ENPP7: variants seen among roughly 807,000 people sequenced by gnomAD.
The protein encoded by ENPP7 is ectonucleotide pyrophosphatase/phosphodiesterase family member 7.
A neutral mutation model predicts 33.6 loss-of-function variants in ENPP7; 39 were observed. That is an observed-to-expected ratio of 1.16 (90% confidence interval 0.90 to 1.52). The LOEUF (loss-of-function observed/expected upper bound fraction) is 1.52, where lower values mean the gene tolerates loss of function less well. Among genes scored for constraint, ENPP7 ranks in the 40% most tolerant of loss-of-function variants. The pLI is 0.00. For missense variants in ENPP7, 594 were observed against 641.0 expected, an observed-to-expected ratio of 0.93 and a Z score of 0.79; for synonymous variants, 244 against 274.3, an observed-to-expected ratio of 0.89 and a Z score of 1.09.
chr17:79,734,975 G>C (rs1183953852), intron 2 of ENPP7, 68 bp from the exon 3 acceptor site: 1 of 1,535,330 alleles, frequency 6.5e-7, no homozygotes, highest in East Asian at 2.3e-5. Context: ...GGACAAATGT[G>C]TTCACAGGCA....
intron 1 of ENPP7, among the ~76,000 whole-genome samples, chr17:79,732,128 A>G (rs1399462647): frequency 8.3e-5 from 2 of 24,228 alleles, no homozygotes; most frequent in Admixed American, 4.8e-4. Flanking sequence ...ATACATATAT[A>G]TATGTATATA....
intron 5 of ENPP7, among the ~76,000 whole-genome samples, chr17:79,741,200 G>A (rs940660328): frequency 6.6e-6 from 1 of 152,124 alleles, no homozygotes; most frequent in African/African-American, 2.4e-5. Flanking sequence ...TGTTGCCCAG[G>A]CTGGTCTCAA....
Position 79,738,018 on chromosome 17 carries a change from C to G in ENPP7, c.1349C>G (p.Thr450Ser), listed in dbSNP as rs782796267. The change falls in exon 5 of 6, where the codon ACC (threonine) becomes AGC (serine). Residue 450 changes from threonine to serine, a missense_variant. Around this residue, in one of 3 missense-constraint regions of ENPP7, gnomAD observed 504 missense variants for 512.8 expected, o/e 0.98. Transcript: ENST00000328313. The surrounding 1 kb of genome is among the most constrained non-coding windows in gnomAD (Gnocchi z 6.2). ...RPLLVMGLLG[T>S]VILLSEVA is the part of the protein sequence containing the mutation. ...CTCCTCGTGATGGGACTGCTGGGGA[C>G]CGTGATTCTTCTGTCTGAGGTCGCA... 6.2e-7 allele frequency: 1 copy of G among 1,612,950 alleles called. No individual in the cohort carries two copies. Among genetic ancestry groups the G allele is most frequent in the South Asian group, 1.1e-5 (1 of 91,086 alleles).
intron 3 of ENPP7, among the ~76,000 whole-genome samples, chr17:79,736,071 T>A (rs559753024): frequency 1.3e-5 from 2 of 152,116 alleles, no homozygotes; most frequent in South Asian, 4.1e-4. Context: ...GCCTGACTAA[T>A]TTTTTGTATT....
Position 79,737,900 on chromosome 17 carries a change from C to T in ENPP7, c.1247-16C>T, listed in dbSNP as rs782801411. ...GCCATCCCTCTCTCCCTCACAGGTC[C>T]TCTGGCTTTCCTTAGAATCTGCTCT... On this transcript the variant is annotated splice_polypyrimidine_tract_variant and intron_variant, in intron 4 of 5. Transcript: ENST00000328313. This position sits in a 1 kb window ranked among gnomAD's most constrained non-coding sequence, Gnocchi z 5.5. 1.2e-6 allele frequency: 2 copies of T among 1,613,306 alleles called. No homozygotes were observed. Among genetic ancestry groups the T allele is most frequent in the East Asian group, 2.2e-5 (1 of 44,894 alleles).
intron 2 of ENPP7, among the ~76,000 whole-genome samples, chr17:79,733,892 C>A (rs1047709428): frequency 1.3e-5 from 2 of 152,292 alleles, no homozygotes; most frequent in Middle Eastern, 3.4e-3. Context: ...CAGCCCTGCC[C>A]GGTCCTCTCT....
rs1171801654 is a variant in ENPP7 at position 79,732,149 on chromosome 17, T to TATATATATACAC, written c.253+758_253+759insTATATATACACA. Among the ~76,000 whole-genome samples, 270 of 34,144 alleles carry TATATATATACAC rather than the reference T, an allele frequency of 7.9e-3. 11 individuals carry two copies. The highest frequency in any genetic ancestry group is 0.026 in the African/African-American group (260 of 9,818). 22.4% of individuals were successfully genotyped at this position (34,144 alleles called of 152,430 possible). ...ATATATATGTATATATATATATATA[T>TATATATATACAC]ACACACACATATATATATATATGAG... On this transcript the variant is annotated intron_variant, in intron 1 of 5. Coordinates refer to ENST00000328313, the MANE Select transcript of ENPP7 (RefSeq NM_178543.5).
In ENPP7 at chr17:79,737,573, C is replaced by A. The variant is rs1378450303; in HGVS notation, c.1246+313C>A. On this transcript the variant is annotated intron_variant, in intron 4 of 5. Transcript: ENST00000328313. This position sits in a 1 kb window ranked among gnomAD's most constrained non-coding sequence, Gnocchi z 5.5. Reference sequence around the variant, plus strand: ...ACCTCCTGGCTGCTGGATCCCCACTCCCCACTCCCCACCACAGCAACCTGA... The same window carrying A: ...ACCTCCTGGCTGCTGGATCCCCACTACCCACTCCCCACCACAGCAACCTGA... Among the ~76,000 whole-genome samples the A allele has an allele frequency of 6.6e-6, 1 of 151,620 alleles. No homozygotes were observed. Among genetic ancestry groups the A allele is most frequent in the Non-Finnish European group, 1.5e-5 (1 of 67,544 alleles).
rs753162030 is a variant in ENPP7, at chr17:79,735,658, G to A, written c.1015G>A (p.Val339Ile). 1.5e-5 allele frequency: 24 copies of A among 1,606,696 alleles called. No homozygotes were observed. Among genetic ancestry groups the A allele is most frequent in the South Asian group, 3.3e-5 (3 of 90,946 alleles). ...PLLMYSDLGY[V>I]IHGRINVQFN... ...GCTGATGTACAGCGACCTTGGCTAC[G>A]TCATCCATGGGGTGAGTCGCCTGCT... The change falls in exon 3 of 6, where the codon GTC becomes ATC. Residue 339 changes from valine (V) to isoleucine (I), a missense_variant. This residue lies in a region of ENPP7 where 504 missense variants were observed against 512.8 expected (regional missense o/e 0.98). Transcript: ENST00000328313. This position sits in a 1 kb window ranked among gnomAD's most constrained non-coding sequence, Gnocchi z 5.5.
At position 79,733,569 on chromosome 17, in the gene ENPP7, G is replaced by A. The variant is rs1251929834; in HGVS notation, c.315G>A (p.Val105=). The stretch of plus-strand genomic sequence containing the variant: ...TGTACTACAACACCACCAGCAAGGT[G>A]AAGCTGCCCTACCACGCCACGCTGG... ...HNMYYNTTSK[V]KLPYHATLGI... The change falls in exon 2 of 6, where the codon GTG becomes GTA. Residue 105 remains valine, a synonymous_variant. Coordinates refer to ENST00000328313, the MANE Select transcript of ENPP7 (RefSeq NM_178543.5). 6.2e-7 allele frequency: 1 copy of A among 1,613,490 alleles called. No individual in the cohort carries two copies. The highest frequency in any genetic ancestry group is 1.7e-5 in the Admixed American group (1 of 60,014).
chr17:79,734,945 C>A, intron 2 of ENPP7, 98 bp from the exon 3 acceptor site: 1 of 1,310,438 alleles, frequency 7.6e-7, no homozygotes, highest in Non-Finnish European at 1.1e-6. Flanking sequence ...GTGGGTGGAA[C>A]AGAGAAGTAG....
rs1209874901 is a variant in ENPP7, at chr17:79,736,996, G to A, written c.1027-45G>A. The A allele has an allele frequency of 3.2e-6, 5 of 1,564,652 alleles. No individual in the cohort carries two copies. The African/African-American group carries it at 4.1e-5, about 13-fold the overall frequency. ...TGGATAGGGTAGGCGGAGAGGGTCT[G>A]TTGCTCCCAGCAAGGACCCAGGACC... is the stretch of plus-strand genomic sequence containing the variant. On this transcript the variant is annotated intron_variant, in intron 3 of 5. Transcript: ENST00000328313.
At position 79,735,574 on chromosome 17, in the gene ENPP7, A is replaced by G. The variant is rs1598201115; in HGVS notation, c.931A>G (p.Lys311Glu). The part of the protein sequence containing the change: ...KDAHPKLHVY[K>E]KEAFPEAFHY... The stretch of plus-strand genomic sequence containing the variant: ...CGCCCACCCCAAGCTCCACGTCTAC[A>G]AGAAGGAGGCGTTCCCCGAGGCCTT... Residue 311 changes from lysine (K) to glutamate (E), a missense_variant, in exon 3 of 6, where the codon AAG becomes GAG. By Grantham distance (56) the Lys-to-Glu change is moderately conservative. Around this residue, in one of 3 missense-constraint regions of ENPP7, gnomAD observed 504 missense variants for 512.8 expected, o/e 0.98. Transcript: ENST00000328313. This position sits in a 1 kb window ranked among gnomAD's most constrained non-coding sequence, Gnocchi z 5.5. 1.2e-6 allele frequency: 2 copies of G among 1,613,856 alleles called. No individual in the cohort carries two copies. Among genetic ancestry groups the G allele is most frequent in the Non-Finnish European group, 1.7e-6 (2 of 1,180,008 alleles).
rs1261272487 is a variant in ENPP7 at position 79,742,151 on chromosome 17, C to G, written c.*374C>G. 1 of 160,530 alleles carries G rather than the reference C, an allele frequency of 6.2e-6. No homozygotes were observed. Among genetic ancestry groups the G allele is most frequent in the South Asian group, 2.0e-4 (1 of 4,966 alleles). 9.9% of individuals were successfully genotyped at this position (160,530 alleles called of 1,614,324 possible). A position where few individuals can be genotyped will look rare whatever the true frequency, so the allele number is the denominator to read the frequency against. ...GCGCTGGAACCTGCAGACCCGGCCT[C>G]GGTCAGCTGGGAGGGGCCCGCCCCG... On this transcript the variant is annotated 3_prime_UTR_variant, in exon 6 of 6. Transcript: ENST00000328313.
chr17:79,733,424 G>C lies in ENPP7; in HGVS notation c.254-84G>C, dbSNP rs1488501293. ...CACACAGGGAAACCTGGGCTGTTTTGACTTCGCCTCTTCCAGCCCTGGGTC... is the reference window on the plus strand; with the variant it reads ...CACACAGGGAAACCTGGGCTGTTTTCACTTCGCCTCTTCCAGCCCTGGGTC... On this transcript the variant is annotated intron_variant, in intron 1 of 5. Transcript: ENST00000328313. The C allele has an allele frequency of 2.1e-6, 3 of 1,435,656 alleles. No individual in the cohort carries two copies. In the African/African-American group the frequency reaches 4.2e-5, roughly 20 times the overall value. 88.9% of individuals were successfully genotyped at this position (1,435,656 alleles called of 1,614,324 possible). A position where few individuals can be genotyped will look rare whatever the true frequency, so the allele number is the denominator to read the frequency against.
chr17:79,739,613 G>A lies in ENPP7; in HGVS notation c.*16+1551G>A, dbSNP rs560301285. 6.6e-6 allele frequency: 1 copy of A among 152,456 alleles called. No homozygotes were observed. The highest frequency in any genetic ancestry group is 2.4e-5 in the African/African-American group (1 of 41,572). The allele number at this position is 152,456 out of a possible 1,614,324, so 9.4% of individuals were successfully genotyped here. A position where few individuals can be genotyped will look rare whatever the true frequency, so the allele number is the denominator to read the frequency against. On this transcript the variant is annotated intron_variant, in intron 5 of 5. Transcript: ENST00000328313. This position sits in a 1 kb window ranked among gnomAD's most constrained non-coding sequence, Gnocchi z 4.4. ...ACTTGCTGACATGCTAAACTGTTGG[G>A]GACAGGAGTCGGGGGGGCCGAGACT...
rs199868387 is a variant in ENPP7, at chr17:79,731,314, C to T, written c.175C>T (p.Arg59Ter). 4.0e-5 allele frequency: 64 copies of T among 1,613,776 alleles called. No individual in the cohort carries two copies. The highest frequency in any genetic ancestry group is 3.0e-5 in the Non-Finnish European group (35 of 1,179,958). ...CACCCCCAACCTGGACGCCATGGCCCGAGACGGGGTGAAGGCACGCTACAT... is the reference window on the plus strand; with the variant it reads ...CACCCCCAACCTGGACGCCATGGCCTGAGACGGGGTGAAGGCACGCTACAT... ...VDTPNLDAMA[R>*]DGVKARYMTP... is the part of the protein sequence containing the mutation. Residue 59 changes from arginine (R) to a stop codon, truncating the protein, a stop_gained, in exon 1 of 6, where the codon CGA becomes TGA. Coordinates refer to ENST00000328313, the MANE Select transcript of ENPP7 (RefSeq NM_178543.5). LOFTEE classifies it high-confidence loss of function.
Position 79,735,030 on chromosome 17 carries a change from C to T in ENPP7, c.400-13C>T, listed in dbSNP as rs1555823180. On this transcript the variant is annotated splice_polypyrimidine_tract_variant and intron_variant, in intron 2 of 5. Coordinates refer to ENST00000328313, the MANE Select transcript of ENPP7 (RefSeq NM_178543.5). The surrounding 1 kb of genome is among the most constrained non-coding windows in gnomAD (Gnocchi z 5.5). ...CTGAGGAGTCCTGTCTTTCACGCTG[C>T]CTTGTCTGGCAGGGCCTGAGGGCTG... 1.2e-6 allele frequency: 2 copies of T among 1,611,144 alleles called. No individual in the cohort carries two copies. Among genetic ancestry groups the T allele is most frequent in the Non-Finnish European group, 1.7e-6 (2 of 1,178,704 alleles).
chr17:79,738,227 G>C lies in ENPP7; in HGVS notation c.*16+165G>C. Reference sequence around the variant, plus strand: ...GCCCCAGAGAGGCCATCACCCCTGAGATCCCGAGGCTGACCCTTCCAGCCT... The same window carrying C: ...GCCCCAGAGAGGCCATCACCCCTGACATCCCGAGGCTGACCCTTCCAGCCT... On this transcript the variant is annotated intron_variant, in intron 5 of 5. Coordinates refer to ENST00000328313, the MANE Select transcript of ENPP7 (RefSeq NM_178543.5). This position sits in a 1 kb window ranked among gnomAD's most constrained non-coding sequence, Gnocchi z 6.2. 1.5e-6 allele frequency: 1 copy of C among 656,992 alleles called. No individual in the cohort carries two copies. The highest frequency in any genetic ancestry group is 2.8e-5 in the Admixed American group (1 of 36,132). The allele number at this position is 656,992 out of a possible 1,614,324, so 40.7% of individuals were successfully genotyped here. A position where few individuals can be genotyped will look rare whatever the true frequency, so the allele number is the denominator to read the frequency against.
Sources: gnomAD v4.1 joint callset for allele counts (sites outside exome capture counted in the v4.1 genomes callset) on GRCh38, gnomAD v4.1.1 for gene constraint, gnomAD v4.1.1 regional missense constraint, Gnocchi (gnomAD v3.1) non-coding constraint, MANE v1.5 for transcripts, NCBI Gene and HGNC (gene_info 2026-07-23, HGNC 2026-07-21) for gene names.